Variants in TRIM28 observed in about 807,000 individuals in gnomAD.
The protein encoded by TRIM28 is tripartite motif containing 28.
In TRIM28, 8 loss-of-function variants were observed where a neutral mutation model predicts 87.4. That is an observed-to-expected ratio of 0.09 (90% CI 0.05 to 0.17). The LOEUF is 0.17. TRIM28 is among the 10% of genes least tolerant of loss of function. The pLI is 1.00. For synonymous variants in TRIM28, 601 were observed against 454.3 expected, an observed-to-expected ratio of 1.32 and a Z score of -4.11; for missense variants, 968 against 1,131.8, an observed-to-expected ratio of 0.86 and a Z score of 2.08.
At position 58,550,403 on chromosome 19, in the gene TRIM28, C is replaced by T. The variant is rs1202830314; in HGVS notation, c.2358C>T (p.Ile786=). The change falls in exon 17 of 17, where the codon ATC becomes ATT. Residue 786 remains isoleucine (I), a synonymous_variant. Transcript: ENST00000253024. The part of the protein sequence containing the change: ...TEDKADVQSI[I]GLQRFFETRM... ...ACAAGGCAGACGTGCAGTCCATCAT[C>T]GGCCTGCAGCGCTTCTTCGAGACGC... The T allele has an allele frequency of 8.1e-6, 13 of 1,613,934 alleles. No homozygotes were observed. Among genetic ancestry groups the T allele is most frequent in the African/African-American group, 2.7e-5 (2 of 74,922 alleles).
intron 3 of TRIM28, 135 bp downstream of exon 3, chr19:58,546,031 A>T: frequency 8.7e-7 from 1 of 1,147,678 alleles, no homozygotes; most frequent in Non-Finnish European, 1.2e-6. Flanking sequence ...CCGAGGGCAG[A>T]ACTCCAGAAG....
intron 2 of TRIM28, 51 bp from the exon 3 acceptor site, chr19:58,545,713 G>A: frequency 6.3e-7 from 1 of 1,582,218 alleles, no homozygotes; most frequent in Non-Finnish European, 8.6e-7. Context: ...GGATGTAAAC[G>A]TGGATCTATC....
chr19:58,548,296 C>A lies in TRIM28; in HGVS notation c.1104C>A (p.Ile368=). The A allele has an allele frequency of 6.2e-7, 1 of 1,614,122 alleles. No individual in the cohort carries two copies. Among genetic ancestry groups the A allele is most frequent in the Non-Finnish European group, 8.5e-7 (1 of 1,180,010 alleles). The change falls in exon 8 of 17, where the codon ATC becomes ATA. Residue 368 remains isoleucine (I), a splice_region_variant and synonymous_variant. Coordinates refer to ENST00000253024, the MANE Select transcript of TRIM28 (RefSeq NM_005762.3). ...NTALLLSKKL[I]YFQLHRALKM... Reference sequence around the variant, plus strand: ...TCCTCCCTTTCACTCCCAACCAGATCTACTTCCAGCTGCACCGGGCCCTCA... The same window carrying A: ...TCCTCCCTTTCACTCCCAACCAGATATACTTCCAGCTGCACCGGGCCCTCA...
chr19:58,545,624 C>T (rs77659740), intron 2 of TRIM28, 87 bp downstream of exon 2: 72,372 of 1,483,466 alleles, frequency 0.049, 2,550 homozygotes, highest in Admixed American at 0.16. Flanking sequence ...CAGGCTGTTA[C>T]TCCACTTTCC....
chr19:58,548,784 G>T lies in TRIM28; in HGVS notation c.1360+8G>T. 1.2e-6 allele frequency: 2 copies of T among 1,614,070 alleles called. No individual in the cohort carries two copies. Among genetic ancestry groups the T allele is most frequent in the Non-Finnish European group, 1.7e-6 (2 of 1,179,992 alleles). On this transcript the variant is annotated splice_region_variant and intron_variant, in intron 10 of 16. Transcript: ENST00000253024. ...GCTATGGCTTTGGGTCAGGTGAGTG[G>T]GTCTGCCTAGTGGGTGGGGAAGGGC...
Position 58,550,050 on chromosome 19 carries a change from G to A in TRIM28, c.2193+15G>A. ...CCTTCTCCCTGGTGAGTCCTAGGAT[G>A]GGAAAGGGGAAGGGGGTGGTGGCTG... On this transcript the variant is annotated intron_variant, in intron 15 of 16. Coordinates refer to ENST00000253024, the MANE Select transcript of TRIM28 (RefSeq NM_005762.3). 6.2e-7 allele frequency: 1 copy of A among 1,613,916 alleles called. No homozygotes were observed. Among genetic ancestry groups the A allele is most frequent in the Non-Finnish European group, 8.5e-7 (1 of 1,179,940 alleles).
In TRIM28 at chr19:58,545,911, G is replaced by C; in HGVS notation, c.586+15G>C. 6.3e-7 allele frequency: 1 copy of C among 1,577,352 alleles called. No homozygotes were observed. Among genetic ancestry groups the C allele is most frequent in the Non-Finnish European group, 8.7e-7 (1 of 1,153,784 alleles). On this transcript the variant is annotated intron_variant, in intron 3 of 16. Coordinates refer to ENST00000253024, the MANE Select transcript of TRIM28 (RefSeq NM_005762.3). ...GCGCTCTACTGGTACATGAGGCTGAGGGGGGCTGTTGGAGTTGTTCTCCCA... is the reference window on the plus strand; with the variant it reads ...GCGCTCTACTGGTACATGAGGCTGACGGGGGCTGTTGGAGTTGTTCTCCCA...
chr19:58,545,323 C>T, intron 1 of TRIM28, 102 bp from the exon 2 acceptor site: 1 of 1,032,878 alleles, frequency 9.7e-7, no homozygotes, highest in Non-Finnish European at 1.4e-6. Flanking sequence ...GGGGCTGGTT[C>T]GCTGCGGGAT....
intron 3 of TRIM28, 120 bp downstream of exon 3, chr19:58,546,016 A>C: frequency 6.7e-6 from 8 of 1,198,074 alleles, no homozygotes; most frequent in East Asian, 2.7e-5. Flanking sequence ...TGCCGCCCGA[A>C]GGGCCCGAGG....
chr19:58,548,653 G>T lies in TRIM28; in HGVS notation c.1323+61G>T, dbSNP rs1487934819. The T allele has an allele frequency of 3.2e-6, 5 of 1,547,066 alleles. No homozygotes were observed. The African/African-American group carries it at 5.5e-5, about 17-fold the overall frequency. On this transcript the variant is annotated intron_variant, in intron 9 of 16. Transcript: ENST00000253024. Reference sequence around the variant, plus strand: ...GGGAATGGGGTCCAGTAGCAGGAGAGAGGACCCAGGCAGGGGGGGTGGGCA... The same window carrying T: ...GGGAATGGGGTCCAGTAGCAGGAGATAGGACCCAGGCAGGGGGGGTGGGCA...
Position 58,549,401 on chromosome 19 carries a change from T to G in TRIM28, c.1733T>G (p.Leu578Arg). 1 of 1,594,302 alleles carries G rather than the reference T, an allele frequency of 6.3e-7. No individual in the cohort carries two copies. Among genetic ancestry groups the G allele is most frequent in the Non-Finnish European group, 8.6e-7 (1 of 1,166,792 alleles). Reference protein sequence around the residue: ...ATEGPETKPVLMALAEGPGAE... With the variant: ...ATEGPETKPVRMALAEGPGAE... ...GAGGGCCCTGAGACCAAACCTGTGCTTATGGCTCTTGCGGAGGGTCCTGGT... is the reference window on the plus strand; with the variant it reads ...GAGGGCCCTGAGACCAAACCTGTGCGTATGGCTCTTGCGGAGGGTCCTGGT... Residue 578 changes from leucine (L) to arginine (R), a missense_variant, in exon 13 of 17, where the codon CTT (leucine) becomes CGT (arginine). Around this residue, in one of 11 missense-constraint regions of TRIM28, gnomAD observed 164 missense variants for 146.2 expected, o/e 1.12. Transcript: ENST00000253024. The surrounding 1 kb of genome is among the most constrained non-coding windows in gnomAD (Gnocchi z 4.4).
chr19:58,549,464 C>T lies in TRIM28; in HGVS notation c.1796C>T (p.Thr599Ile). 1.2e-6 allele frequency: 2 copies of T among 1,612,364 alleles called. No homozygotes were observed. Among genetic ancestry groups the T allele is most frequent in the Non-Finnish European group, 1.7e-6 (2 of 1,178,882 alleles). ...GPRLASPSGS[T>I]SSGLEVVAPE... ...CGCCTGGCCTCACCTAGTGGCAGCA[C>T]CAGCTCAGGGCTGGAGGTGGTGGCT... Residue 599 changes from threonine to isoleucine, a missense_variant, in exon 13 of 17, where the codon ACC (threonine) becomes ATC (isoleucine). By Grantham distance (89) the Thr-to-Ile change is moderately conservative. Coordinates refer to ENST00000253024, the MANE Select transcript of TRIM28 (RefSeq NM_005762.3). The surrounding 1 kb of genome is among the most constrained non-coding windows in gnomAD (Gnocchi z 4.4).
chr19:58,549,912 C>T lies in TRIM28; in HGVS notation c.2107-37C>T. 6.2e-7 allele frequency: 1 copy of T among 1,614,048 alleles called. No individual in the cohort carries two copies. The highest frequency in any genetic ancestry group is 8.5e-7 in the Non-Finnish European group (1 of 1,179,988). ...GTTGCCCAGAGAGGCTTTATAGGTGCTGCCCAGAGCTGTGACATCCCTTAC... is the reference window on the plus strand; with the variant it reads ...GTTGCCCAGAGAGGCTTTATAGGTGTTGCCCAGAGCTGTGACATCCCTTAC... On this transcript the variant is annotated intron_variant, in intron 14 of 16. Coordinates refer to ENST00000253024, the MANE Select transcript of TRIM28 (RefSeq NM_005762.3). This position sits in a 1 kb window ranked among gnomAD's most constrained non-coding sequence, Gnocchi z 4.4.
chr19:58,550,652 C>T lies in TRIM28; in HGVS notation c.*99C>T. ...GCCTGACTCCCACTCCCTGGTGGCC[C>T]CATCCCCCAGTTCCTCACGATATGG... On this transcript the variant is annotated 3_prime_UTR_variant, in exon 17 of 17. Coordinates refer to ENST00000253024, the MANE Select transcript of TRIM28 (RefSeq NM_005762.3). The T allele has an allele frequency of 8.1e-7, 1 of 1,236,842 alleles. No homozygotes were observed. Among genetic ancestry groups the T allele is most frequent in the Non-Finnish European group, 1.1e-6 (1 of 901,446 alleles). 76.6% of individuals were successfully genotyped at this position (1,236,842 alleles called of 1,614,324 possible).
Position 58,549,325 on chromosome 19 carries a change from T to C in TRIM28, c.1663-6T>C, listed in dbSNP as rs758668450. Reference sequence around the variant, plus strand: ...CTGTTGAACACCCCTCATCACCACCTTGCAGGAGGAGGAGACGGAGGCTGC... The same window carrying C: ...CTGTTGAACACCCCTCATCACCACCCTGCAGGAGGAGGAGACGGAGGCTGC... On this transcript the variant is annotated splice_polypyrimidine_tract_variant and splice_region_variant and intron_variant, in intron 12 of 16. Transcript: ENST00000253024. This position sits in a 1 kb window ranked among gnomAD's most constrained non-coding sequence, Gnocchi z 4.4. 7.7e-6 allele frequency: 12 copies of C among 1,566,740 alleles called. No homozygotes were observed. In the Admixed American group the frequency reaches 1.6e-4, roughly 21 times the overall value.
At position 58,544,799 on chromosome 19, in the gene TRIM28, G is replaced by A; in HGVS notation, c.42G>A (p.Ser14=). The part of the protein sequence containing the change: ...SAAAASAAAA[S]AASGSPGPGE... ...CGGCAGCCTCGGCAGCAGCGGCCTC[G>A]GCCGCCTCTGGCAGCCCGGGCCCGG... The change falls in exon 1 of 17, where the codon TCG becomes TCA. Residue 14 remains serine, a synonymous_variant. Coordinates refer to ENST00000253024, the MANE Select transcript of TRIM28 (RefSeq NM_005762.3). The A allele has an allele frequency of 8.3e-7, 1 of 1,207,544 alleles. No homozygotes were observed. The highest frequency in any genetic ancestry group is 1.0e-6 in the Non-Finnish European group (1 of 972,644). 74.8% of individuals were successfully genotyped at this position (1,207,544 alleles called of 1,614,324 possible).
Position 58,544,363 on chromosome 19 carries a change from G to C in TRIM28, c.-395G>C, listed in dbSNP as rs1441732230. On this transcript the variant is annotated 5_prime_UTR_variant, in exon 1 of 17. Transcript: ENST00000253024. ...ACTGGCGGCCTCTCCCGCACCGACC[G>C]GCCTGGGCCCCGCCCCCGGGCGTGA... 2.6e-5 allele frequency: 4 copies of C among 152,244 alleles called. No individual in the cohort carries two copies. The highest frequency in any genetic ancestry group is 6.5e-5 in the Admixed American group (1 of 15,274). 9.4% of individuals were successfully genotyped at this position (152,244 alleles called of 1,614,324 possible). A position where few individuals can be genotyped will look rare whatever the true frequency, so the allele number is the denominator to read the frequency against.
chr19:58,546,015 A>T, intron 3 of TRIM28, 119 bp downstream of exon 3: 1 of 1,292,576 alleles, frequency 7.7e-7, no homozygotes, highest in South Asian at 1.7e-5. Context: ...GTGCCGCCCG[A>T]AGGGCCCGAG....
chr19:58,545,880 T>C lies in TRIM28; in HGVS notation c.570T>C (p.His190=), dbSNP rs370983235. The change falls in exon 3 of 17, where the codon CAT becomes CAC. Residue 190 remains histidine, a synonymous_variant. Transcript: ENST00000253024. The part of the protein sequence containing the change: ...AHQRVKYTKD[H]TVRSTGPAKS... Reference sequence around the variant, plus strand: ...AGCGGGTGAAGTACACCAAGGACCATACTGTGCGCTCTACTGGTACATGAG... The same window carrying C: ...AGCGGGTGAAGTACACCAAGGACCACACTGTGCGCTCTACTGGTACATGAG... 6.2e-4 allele frequency: 991 copies of C among 1,597,064 alleles called. 11 individuals are homozygous for C. The South Asian group carries it at 0.01, about 17-fold the overall frequency.
Sources: gnomAD v4.1 joint callset for allele counts on GRCh38, gnomAD v4.1.1 for gene constraint, gnomAD v4.1.1 regional missense constraint, Gnocchi (gnomAD v3.1) non-coding constraint, MANE v1.5 for transcripts, NCBI Gene and HGNC (gene_info 2026-07-23, HGNC 2026-07-21) for gene names.